The following FOXK1 variants were observed in gnomAD, a reference collection of about 807,000 sequenced individuals.
The protein encoded by FOXK1 is forkhead box K1.
A neutral mutation model predicts 51.9 loss-of-function variants in FOXK1; 19 were observed. The ratio of observed to expected loss-of-function variants is 0.37; its 90% CI spans 0.26 to 0.54. The LOEUF (loss-of-function observed/expected upper bound fraction) is 0.54, where lower values mean the gene tolerates loss of function less well. Among genes scored for constraint, FOXK1 ranks in the 20% least tolerant of loss-of-function variants. FOXK1 has a pLI of 0.87. For synonymous variants in FOXK1, 537 were observed against 482.6 expected (o/e 1.11, Z -1.48); for missense variants, 870 against 1,032.7 (o/e 0.84, Z 2.16).
chr7:4,704,550 A>G (rs1780058773), intron 1 of FOXK1, among the ~76,000 whole-genome samples: 1 of 151,890 alleles, frequency 6.6e-6, no homozygotes, highest in South Asian at 2.1e-4. Flanking sequence ...TCAAAGGATT[A>G]CCGGGTACTT....
At chr7:4,714,786 A>T (rs1780214301) in intron 1 of FOXK1, among the ~76,000 whole-genome samples, 2 of 152,104 alleles carry the variant, frequency 1.3e-5, no homozygotes, top group South Asian at 4.1e-4. Flanking sequence ...CCTCTCTCTC[A>T]TCTCAGTTTC....
chr7:4,698,851 G>A (rs1278995213), intron 1 of FOXK1, among the ~76,000 whole-genome samples: 2 of 152,046 alleles, frequency 1.3e-5, no homozygotes, highest in Non-Finnish European at 2.9e-5. Flanking sequence ...ACCATGCCCA[G>A]CTAGCTTTTT....
Position 4,705,973 on chromosome 7 carries a change from CGTATATATACGT to C in FOXK1, c.560+23106_560+23117del, listed in dbSNP as rs1275877751. On this transcript the variant is annotated intron_variant, in intron 1 of 8. Transcript: ENST00000328914. ...ATATATATATATGTATATATATATA[CGTATATATACGT>C]ATATATACGTATATATACGTATATA... Among the ~76,000 whole-genome samples, 18 of 70,926 alleles carry C rather than the reference CGTATATATACGT, an allele frequency of 2.5e-4. 1 individual carries two copies. Among genetic ancestry groups the C allele is most frequent in the Admixed American group, 6.0e-4 (4 of 6,714 alleles). 46.5% of individuals were successfully genotyped at this position (70,926 alleles called of 152,430 possible). A position where few individuals can be genotyped will look rare whatever the true frequency, so the allele number is the denominator to read the frequency against.
rs1253841420 is a variant in FOXK1 at position 4,748,312 on chromosome 7, A to G, written c.747-6147A>G. On this transcript the variant is annotated intron_variant, in intron 2 of 8. Transcript: ENST00000328914. This position sits in a 1 kb window ranked among gnomAD's most constrained non-coding sequence, Gnocchi z 4.9. ...TTTAGATATTACACATGAGGTTCCT[A>G]TATGGAAATTAAGGATTTAGCTTCC... Among the ~76,000 whole-genome samples, 1 of 152,122 alleles carries G rather than the reference A, an allele frequency of 6.6e-6. No homozygotes were observed. Among genetic ancestry groups the G allele is most frequent in the Non-Finnish European group, 1.5e-5 (1 of 68,022 alleles).
In FOXK1 at chr7:4,682,853, T is replaced by C; in HGVS notation, c.545T>C (p.Leu182Pro). The change falls in exon 1 of 9, where the codon CTG becomes CCG. Residue 182 changes from leucine to proline, a missense_variant. Coordinates refer to ENST00000328914, the MANE Select transcript of FOXK1 (RefSeq NM_001037165.2). The surrounding 1 kb of genome is among the most constrained non-coding windows in gnomAD (Gnocchi z 7.6). ...TTCCAGAGACGCGGCGCGCCCGCCCTGCAGCTGCCCAAGCAGTGAGTGGCC... is the reference window on the plus strand; with the variant it reads ...TTCCAGAGACGCGGCGCGCCCGCCCCGCAGCTGCCCAAGCAGTGAGTGGCC... ...GAFQRRGAPA[L>P]QLPKQCTFRF... The C allele has an allele frequency of 6.4e-7, 1 of 1,552,150 alleles. No individual in the cohort carries two copies. Among genetic ancestry groups the C allele is most frequent in the East Asian group, 2.4e-5 (1 of 42,010 alleles).
chr7:4,757,023 C>T lies in FOXK1; in HGVS notation c.1080C>T (p.Asn360=), dbSNP rs776329915. 4 of 1,613,830 alleles carry T rather than the reference C, an allele frequency of 2.5e-6. No homozygotes were observed. The highest frequency in any genetic ancestry group is 2.5e-6 in the Non-Finnish European group (3 of 1,179,992). Residue 360 remains asparagine, a synonymous_variant, in exon 5 of 9, where the codon AAC becomes AAT. Coordinates refer to ENST00000328914, the MANE Select transcript of FOXK1 (RefSeq NM_001037165.2). The part of the protein sequence containing the change: ...QNSIRHNLSL[N]RYFIKVPRSQ... ...CTATCCGGCACAACCTCTCTTTGAA[C>T]CGTTACTTTATCAAAGTCCCACGTT... is the stretch of plus-strand genomic sequence containing the variant.
chr7:4,738,177 C>T (rs1044887497), intron 1 of FOXK1, among the ~76,000 whole-genome samples: 1 of 151,106 alleles, frequency 6.6e-6, no homozygotes, highest in Non-Finnish European at 1.5e-5. Context: ...TGGCTCATGC[C>T]TATAATCCCA....
intron 1 of FOXK1, among the ~76,000 whole-genome samples, chr7:4,737,799 C>A (rs1780575328): frequency 6.6e-6 from 1 of 152,134 alleles, no homozygotes; most frequent in African/African-American, 2.4e-5. Flanking sequence ...GACTGAAGAG[C>A]CCTTGGGTAT....
At position 4,734,103 on chromosome 7, in the gene FOXK1, C is replaced by G. The variant is rs1198647888; in HGVS notation, c.561-6735C>G. 6.6e-6 allele frequency among the ~76,000 whole-genome samples: 1 copy of G among 152,172 alleles called. No individual in the cohort carries two copies. Among genetic ancestry groups the G allele is most frequent in the Non-Finnish European group, 1.5e-5 (1 of 68,032 alleles). ...ACTGAAGCGATGCCTGTGTTTTAACCTTAGTAACCGTGCCGCCCAGCTCCT... is the reference window on the plus strand; with the variant it reads ...ACTGAAGCGATGCCTGTGTTTTAACGTTAGTAACCGTGCCGCCCAGCTCCT... On this transcript the variant is annotated intron_variant, in intron 1 of 8. Transcript: ENST00000328914. This position sits in a 1 kb window ranked among gnomAD's most constrained non-coding sequence, Gnocchi z 5.2.
Position 4,745,376 on chromosome 7 carries a change from C to T in FOXK1, c.746+4353C>T, listed in dbSNP as rs1341003937. ...CCTCCCTGATCAGCTGCCCCTGCCC[C>T]CGCCCCCCGCGCCACCCTGCGTCCT... On this transcript the variant is annotated intron_variant, in intron 2 of 8. Transcript: ENST00000328914. The surrounding 1 kb of genome is among the most constrained non-coding windows in gnomAD (Gnocchi z 4.3). 6.6e-6 allele frequency among the ~76,000 whole-genome samples: 1 copy of T among 152,102 alleles called. No individual in the cohort carries two copies. Among genetic ancestry groups the T allele is most frequent in the East Asian group, 1.9e-4 (1 of 5,170 alleles).
chr7:4,744,688 A>G (rs1440081003), intron 2 of FOXK1, among the ~76,000 whole-genome samples: 3 of 152,226 alleles, frequency 2.0e-5, no homozygotes, highest in African/African-American at 7.2e-5. Context: ...TGTGACTGCG[A>G]GTCCCCGTCA....
At chr7:4,705,517 T>TCTC (rs1780072758) in intron 1 of FOXK1, among the ~76,000 whole-genome samples, 21 of 111,572 alleles carry the variant, frequency 1.9e-4, no homozygotes, top group African/African-American at 5.6e-4. Flanking sequence ...TTCCTTCTCT[T>TCTC]TCTCTCTCTC....
rs1357559552 is a variant in FOXK1 at position 4,691,880 on chromosome 7, A to T, written c.560+9012A>T. 2.0e-5 allele frequency among the ~76,000 whole-genome samples: 3 copies of T among 152,108 alleles called. No individual in the cohort carries two copies. In the East Asian group the frequency reaches 5.8e-4, roughly 29 times the overall value. ...TCTAACCTGTTCCCCTAAGTGTCAA[A>T]GGGCATGGTTCTCTTTGGGCAGAAT... On this transcript the variant is annotated intron_variant, in intron 1 of 8. Coordinates refer to ENST00000328914, the MANE Select transcript of FOXK1 (RefSeq NM_001037165.2).
In FOXK1 at chr7:4,758,222, C is replaced by G. The variant is rs1419992219; in HGVS notation, c.1245-829C>G. On this transcript the variant is annotated intron_variant, in intron 5 of 8. Transcript: ENST00000328914. The surrounding 1 kb of genome is among the most constrained non-coding windows in gnomAD (Gnocchi z 4.4). ...TTTCGCAGATGCTGGGAACGCAGCT[C>G]TGCTGCCGGCGGGGTGGACAGACCC... 6.6e-6 allele frequency: 1 copy of G among 152,298 alleles called. No individual in the cohort carries two copies. Among genetic ancestry groups the G allele is most frequent in the Non-Finnish European group, 1.5e-5 (1 of 68,086 alleles). 9.4% of individuals were successfully genotyped at this position (152,298 alleles called of 1,614,324 possible). A position where few individuals can be genotyped will look rare whatever the true frequency, so the allele number is the denominator to read the frequency against.
intron 1 of FOXK1, among the ~76,000 whole-genome samples, chr7:4,688,072 A>G (rs1779843033): frequency 6.6e-6 from 1 of 152,096 alleles, no homozygotes; most frequent in Non-Finnish European, 1.5e-5. Context: ...ACAATTTCAA[A>G]CATAGACATA....
intron 1 of FOXK1, among the ~76,000 whole-genome samples, chr7:4,685,663 C>G (rs919602390): frequency 2.6e-5 from 4 of 151,706 alleles, no homozygotes; most frequent in Admixed American, 1.3e-4. Context: ...GATTCTTAAG[C>G]CTGGACTACA....
intron 1 of FOXK1, among the ~76,000 whole-genome samples, chr7:4,716,588 T>C (rs1780237951): frequency 6.6e-6 from 1 of 152,114 alleles, no homozygotes; most frequent in Admixed American, 6.5e-5. Flanking sequence ...GCCCCAGACA[T>C]GTCACTGTGG....
At position 4,709,063 on chromosome 7, in the gene FOXK1, C is replaced by CAAAAA. The variant is rs111595744; in HGVS notation, c.560+26207_560+26211dup. On this transcript the variant is annotated intron_variant, in intron 1 of 8. Coordinates refer to ENST00000328914, the MANE Select transcript of FOXK1 (RefSeq NM_001037165.2). This position sits in a 1 kb window ranked among gnomAD's most constrained non-coding sequence, Gnocchi z 5.6. ...CTGGGCAATGAGCGAGACTCTGTCT[C>CAAAAA]AAAAAAAAAAAAAAAAGAAAAGAAA... 6.2e-5 allele frequency among the ~76,000 whole-genome samples: 4 copies of CAAAAA among 64,956 alleles called. No homozygotes were observed. The highest frequency in any genetic ancestry group is 5.6e-4 in the South Asian group (1 of 1,774). The allele number at this position is 64,956 out of a possible 152,430, so 42.6% of individuals were successfully genotyped here.
chr7:4,749,886 C>G lies in FOXK1; in HGVS notation c.747-4573C>G, dbSNP rs1236411507. ...CGTGACTTCTCATCATAACGTGACC[C>G]AGCGACCTGTGTGTCCCACAGCCCG... is the stretch of plus-strand genomic sequence containing the variant. On this transcript the variant is annotated intron_variant, in intron 2 of 8. Transcript: ENST00000328914. This position sits in a 1 kb window ranked among gnomAD's most constrained non-coding sequence, Gnocchi z 6.0. 6.6e-6 allele frequency among the ~76,000 whole-genome samples: 1 copy of G among 152,202 alleles called. No homozygotes were observed. The highest frequency in any genetic ancestry group is 6.5e-5 in the Admixed American group (1 of 15,278).
Sources: gnomAD v4.1 joint callset for allele counts (sites outside exome capture counted in the v4.1 genomes callset) on GRCh38, gnomAD v4.1.1 for gene constraint, Gnocchi (gnomAD v3.1) non-coding constraint, MANE v1.5 for transcripts, NCBI Gene and HGNC (gene_info 2026-07-23, HGNC 2026-07-21) for gene names.